Variants in SLC25A26 observed in about 807,000 individuals in gnomAD.
SLC25A26 encodes the protein solute carrier family 25 member 26, also known as mitochondrial S-adenosylmethionine carrier protein.
SLC25A26 carries 36 observed loss-of-function variants against 37.8 expected under a neutral mutation model. The observed-to-expected ratio is 0.95, with a 90% CI of 0.73 to 1.26. The LOEUF is 1.26. SLC25A26 is among the 50% of genes most tolerant of loss of function. The probability of loss-of-function intolerance (pLI) is 0.00; values close to 1 mark genes in which losing one functional copy is unlikely to be tolerated. For missense variants in SLC25A26, 390 were observed against 331.1 expected, an observed-to-expected ratio of 1.18 and a Z score of -1.38; for synonymous variants, 129 against 122.5, an observed-to-expected ratio of 1.05 and a Z score of -0.35.
intron 5 of SLC25A26, among the ~76,000 whole-genome samples, chr3:66,299,062 G>T (rs34321309): frequency 0.17 from 25,697 of 152,168 alleles, 2,652 homozygotes; most frequent in Non-Finnish European, 0.24. Flanking sequence ...GTGTGTATGT[G>T]TGTGTACACA....
intron 1 of SLC25A26, among the ~76,000 whole-genome samples, chr3:66,145,930 A>G (rs761067226): frequency 3.9e-5 from 6 of 152,228 alleles, no homozygotes; most frequent in Non-Finnish European, 2.9e-5. Flanking sequence ...ACAAACATAA[A>G]GTTAACTTTT....
chr3:66,150,192 T>G (rs2070178811), intron 1 of SLC25A26, among the ~76,000 whole-genome samples: 2 of 151,794 alleles, frequency 1.3e-5, no homozygotes, highest in African/African-American at 4.8e-5. Flanking sequence ...ACAAAAGTAT[T>G]AACTTTAAAA....
chr3:66,185,411 T>C (rs1240247358), intron 1 of SLC25A26, among the ~76,000 whole-genome samples: 4 of 152,268 alleles, frequency 2.6e-5, no homozygotes, highest in Admixed American at 6.5e-5. Context: ...TCTATAAACA[T>C]GAGCGTTCAA....
chr3:66,154,443 T>A (rs752012018), intron 1 of SLC25A26, among the ~76,000 whole-genome samples: 17 of 152,122 alleles, frequency 1.1e-4, no homozygotes, highest in Admixed American at 5.2e-4. Flanking sequence ...GAGGCAATAT[T>A]CTGTGGAGGA....
intron 1 of SLC25A26, among the ~76,000 whole-genome samples, chr3:66,155,966 C>T (rs1199903882): frequency 1.3e-5 from 2 of 152,112 alleles, no homozygotes; most frequent in Non-Finnish European, 2.9e-5. Context: ...GAGTCCCAAA[C>T]CCAAATTTCT....
intron 2 of SLC25A26, 32 bp downstream of exon 2, chr3:66,236,732 C>G (rs368072284): frequency 1.4e-6 from 2 of 1,459,360 alleles, no homozygotes; most frequent in Non-Finnish European, 9.2e-7. Context: ...TCTGTAAAGC[C>G]AAGATAAGAT....
chr3:66,199,245 C>A (rs1006411096), intron 1 of SLC25A26, among the ~76,000 whole-genome samples: 1 of 151,940 alleles, frequency 6.6e-6, no homozygotes, highest in East Asian at 1.9e-4. Flanking sequence ...CTCACCCTAC[C>A]TTTACCCTGA....
intron 7 of SLC25A26, among the ~76,000 whole-genome samples, chr3:66,367,089 C>G (rs954407910): frequency 6.6e-6 from 1 of 152,158 alleles, no homozygotes; most frequent in Non-Finnish European, 1.5e-5. Context: ...TAAGCGTTTT[C>G]GAGTGCCTGC....
intron 1 of SLC25A26, among the ~76,000 whole-genome samples, chr3:66,196,934 T>A (rs1179383419): frequency 3.9e-5 from 6 of 152,172 alleles, no homozygotes; most frequent in African/African-American, 1.4e-4. Context: ...CAAGCATATA[T>A]GTATTATCAT....
At chr3:66,376,858 C>T (rs1043951407) in intron 9 of SLC25A26, among the ~76,000 whole-genome samples, 12 of 152,144 alleles carry the variant, frequency 7.9e-5, no homozygotes, top group African/African-American at 2.7e-4. Context: ...CCTGGCTTGC[C>T]TTTTAGATAT....
At chr3:66,343,624 G>A (rs1171353450) in intron 5 of SLC25A26, among the ~76,000 whole-genome samples, 2 of 152,204 alleles carry the variant, frequency 1.3e-5, no homozygotes, top group African/African-American at 4.8e-5. Context: ...TAAGTACCAA[G>A]TAAGAGCAGA....
chr3:66,150,507 AAATAT>A lies in SLC25A26; in HGVS notation c.-354+16525_-354+16529del, dbSNP rs548845979. 4.1e-3 allele frequency among the ~76,000 whole-genome samples: 365 copies of A among 88,868 alleles called. 2 individuals are homozygous for A. The highest frequency in any genetic ancestry group is 0.017 in the African/African-American group (343 of 20,396). 58.3% of individuals were successfully genotyped at this position (88,868 alleles called of 152,430 possible). A position where few individuals can be genotyped will look rare whatever the true frequency, so the allele number is the denominator to read the frequency against. On this transcript the variant is annotated intron_variant, in intron 1 of 10. Coordinates refer to the SLC25A26 transcript ENST00000676754. ...AGCAAGACTCTATCTCAAGACAAAA[AAATAT>A]ATATATATAATGATATATATATATA...
chr3:66,280,705 A>G (rs1311582817), intron 5 of SLC25A26, among the ~76,000 whole-genome samples: 2 of 152,130 alleles, frequency 1.3e-5, no homozygotes, highest in African/African-American at 2.4e-5. Context: ...TTGAAAAATT[A>G]CAATTTATAG....
chr3:66,339,722 G>T lies in SLC25A26; in HGVS notation c.454-6642G>T, dbSNP rs148511994. ...AAATTCTTTGCTTTTTTAAAATCTG[G>T]TTGTTTTGTTGAATGCTTTATATAT... On this transcript the variant is annotated intron_variant, in intron 5 of 9. Coordinates refer to ENST00000354883, the MANE Select transcript of SLC25A26 (RefSeq NM_001379210.1). Among the ~76,000 whole-genome samples, 649 of 151,834 alleles carry T rather than the reference G, an allele frequency of 4.3e-3. 1 individual carries two copies. The highest frequency in any genetic ancestry group is 6.6e-3 in the Non-Finnish European group (446 of 67,776).
chr3:66,146,522 G>A (rs546973216), intron 1 of SLC25A26, among the ~76,000 whole-genome samples: 7 of 151,690 alleles, frequency 4.6e-5, no homozygotes, highest in Non-Finnish European at 1.0e-4. Context: ...TTTTCTATAT[G>A]AATATGTATT....
chr3:66,347,934 A>G (rs938461145), intron 6 of SLC25A26, among the ~76,000 whole-genome samples: 5 of 152,224 alleles, frequency 3.3e-5, no homozygotes, highest in African/African-American at 9.6e-5. Flanking sequence ...AGGAGAATAC[A>G]TGGACACAGA....
chr3:66,186,027 TG>T (rs2070819721), intron 1 of SLC25A26, among the ~76,000 whole-genome samples: 1 of 151,680 alleles, frequency 6.6e-6, no homozygotes, highest in South Asian at 2.1e-4. Flanking sequence ...TCCATGATTC[TG>T]ACCCTGACAC....
intron 5 of SLC25A26, among the ~76,000 whole-genome samples, chr3:66,331,042 C>T (rs2075961894): frequency 1.3e-5 from 2 of 151,948 alleles, no homozygotes; most frequent in South Asian, 4.1e-4. Flanking sequence ...TGGAAACTAT[C>T]TCTTCTTTTA....
chr3:66,288,253 C>T (rs773501869), intron 5 of SLC25A26, among the ~76,000 whole-genome samples: 28 of 152,184 alleles, frequency 1.8e-4, no homozygotes, highest in Non-Finnish European at 3.7e-4. Flanking sequence ...GAATTCTGGG[C>T]AGTCCTTTTA....
Sources: gnomAD v4.1 joint callset for allele counts (sites outside exome capture counted in the v4.1 genomes callset) on GRCh38, gnomAD v4.1.1 for gene constraint, MANE v1.5 for transcripts, NCBI Gene and HGNC (gene_info 2026-07-23, HGNC 2026-07-21) for gene names.